The following AGAP1 variants were observed in gnomAD, a reference collection of about 807,000 sequenced individuals.
The protein encoded by AGAP1 is ArfGAP with GTPase domain, ankyrin repeat and PH domain 1.
Under a neutral mutation model 105.3 loss-of-function variants are expected in AGAP1, and 29 were observed. The ratio of observed to expected loss-of-function variants is 0.28; its 90% confidence interval spans 0.21 to 0.38. The LOEUF (loss-of-function observed/expected upper bound fraction) is 0.38. AGAP1 is among the 10% of genes least tolerant of loss of function. The pLI is 1.00. For missense variants in AGAP1, 998 were observed against 1,165.1 expected (o/e 0.86, Z 2.09); for synonymous variants, 509 against 485.9 (o/e 1.05, Z -0.63).
At chr2:235,679,950 C>T (rs1231301999) in intron 1 of AGAP1, among the ~76,000 whole-genome samples, 1 of 152,228 alleles carries the variant, frequency 6.6e-6, no homozygotes, top group Non-Finnish European at 1.5e-5. Flanking sequence ...AATGGTGTTA[C>T]GTGGATCTGT....
chr2:235,695,780 C>G (rs1373968348), intron 1 of AGAP1, among the ~76,000 whole-genome samples: 1 of 152,210 alleles, frequency 6.6e-6, no homozygotes, highest in African/African-American at 2.4e-5. Context: ...TTCACAGGAG[C>G]ATCTGAGCTC....
At chr2:235,510,539 T>TA (rs1316451100) in intron 1 of AGAP1, among the ~76,000 whole-genome samples, 1 of 152,194 alleles carries the variant, frequency 6.6e-6, no homozygotes, top group Non-Finnish European at 1.5e-5. Context: ...GGCACGTGCT[T>TA]TCATTTCTCT....
intron 9 of AGAP1, among the ~76,000 whole-genome samples, chr2:235,841,352 C>T (rs553788935): frequency 2.0e-5 from 3 of 152,172 alleles, no homozygotes; most frequent in Non-Finnish European, 4.4e-5. Context: ...GCTTACGGGC[C>T]TGATGCGGTG....
Position 235,701,194 on chromosome 2 carries a change from T to G in AGAP1, c.164-7985T>G, listed in dbSNP as rs780159408. Among the ~76,000 whole-genome samples, 6 of 151,442 alleles carry G rather than the reference T, an allele frequency of 4.0e-5. No individual in the cohort carries two copies. Among genetic ancestry groups the G allele is most frequent in the African/African-American group, 1.5e-4 (6 of 41,224 alleles). ...ATTTATATATATGGGGGGGTGGAAA[T>G]CACTATCCTCTAAGAAGTTACAAAC... On this transcript the variant is annotated intron_variant, in intron 1 of 17. Transcript: ENST00000304032. This position sits in a 1 kb window ranked among gnomAD's most constrained non-coding sequence, Gnocchi z 4.1.
chr2:235,999,590 T>C (rs986334389), intron 13 of AGAP1, among the ~76,000 whole-genome samples: 26 of 84,120 alleles, frequency 3.1e-4, no homozygotes, highest in South Asian at 4.9e-4. Flanking sequence ...ATGGTGGTGA[T>C]GATGGTGAGA....
rs1394786802 is a variant in AGAP1 at position 235,836,070 on chromosome 2, A to G, written c.1050+28739A>G. ...CCTTCTTACTAATTAACTGCTAATT[A>G]CAAATGAGCTTTGTGTGTTTGTCAG... On this transcript the variant is annotated intron_variant, in intron 9 of 17. Transcript: ENST00000304032. Among the ~76,000 whole-genome samples, 15 of 152,362 alleles carry G rather than the reference A, an allele frequency of 9.8e-5. No homozygotes were observed. In the East Asian group the frequency reaches 2.9e-3, roughly 29 times the overall value.
chr2:235,524,526 C>A, intron 1 of AGAP1: 1 of 339,562 alleles, frequency 2.9e-6, no homozygotes, highest in Non-Finnish European at 6.2e-6. Context: ...CGGGGCTGCA[C>A]CCAGCCCCCA....
At chr2:236,106,573 TG>T (rs2059499386) in intron 16 of AGAP1, among the ~76,000 whole-genome samples, 1 of 152,226 alleles carries the variant, frequency 6.6e-6, no homozygotes, top group Non-Finnish European at 1.5e-5. Context: ...GGGGCCATGC[TG>T]GGATTCCAGG....
At position 235,612,566 on chromosome 2, in the gene AGAP1, C is replaced by T. The variant is rs368714267; in HGVS notation, c.164-96613C>T. Among the ~76,000 whole-genome samples, 7 of 152,186 alleles carry T rather than the reference C, an allele frequency of 4.6e-5. No individual in the cohort carries two copies. Among genetic ancestry groups the T allele is most frequent in the Admixed American group, 1.3e-4 (2 of 15,278 alleles). On this transcript the variant is annotated intron_variant, in intron 1 of 17. Coordinates refer to ENST00000304032, the MANE Select transcript of AGAP1 (RefSeq NM_001037131.3). This position sits in a 1 kb window ranked among gnomAD's most constrained non-coding sequence, Gnocchi z 4.3. ...GTATTCAGGTGCTAAGGGAAAAGAA[C>T]GTGACTGTGTGGGGGTCTCCCTGAC...
At chr2:235,506,576 G>A (rs1355171415) in intron 1 of AGAP1, among the ~76,000 whole-genome samples, 1 of 151,952 alleles carries the variant, frequency 6.6e-6, no homozygotes, top group Non-Finnish European at 1.5e-5. Flanking sequence ...GGGGTTTTCT[G>A]GACATAAAAT....
Position 235,964,941 on chromosome 2 carries a change from G to C in AGAP1, c.1484-3521G>C, listed in dbSNP as rs1340404435. Reference sequence around the variant, plus strand: ...CTTTGTGAAAACAGGCTGAGCTCGAGGTCCCAGGCTGCTCAAGGCAAGGGA... The same window carrying C: ...CTTTGTGAAAACAGGCTGAGCTCGACGTCCCAGGCTGCTCAAGGCAAGGGA... On this transcript the variant is annotated intron_variant, in intron 12 of 17. Transcript: ENST00000304032. The surrounding 1 kb of genome is among the most constrained non-coding windows in gnomAD (Gnocchi z 4.6). 1.3e-5 allele frequency among the ~76,000 whole-genome samples: 2 copies of C among 152,190 alleles called. No homozygotes were observed. Among genetic ancestry groups the C allele is most frequent in the Non-Finnish European group, 2.9e-5 (2 of 68,044 alleles).
At chr2:235,856,616 C>T (rs982431448) in intron 9 of AGAP1, among the ~76,000 whole-genome samples, 3 of 152,254 alleles carry the variant, frequency 2.0e-5, no homozygotes, top group African/African-American at 4.8e-5. Flanking sequence ...AGTACTGAAC[C>T]AGTTCCTGTG....
chr2:235,674,935 C>A (rs1559335290), intron 1 of AGAP1, among the ~76,000 whole-genome samples: 1 of 151,774 alleles, frequency 6.6e-6, no homozygotes, highest in African/African-American at 2.4e-5. Flanking sequence ...GATCCACCCC[C>A]CTCGGTCTGG....
chr2:235,610,647 A>G lies in AGAP1; in HGVS notation c.164-98532A>G, dbSNP rs1946094539. 6.6e-6 allele frequency among the ~76,000 whole-genome samples: 1 copy of G among 152,144 alleles called. No individual in the cohort carries two copies. The highest frequency in any genetic ancestry group is 2.1e-4 in the South Asian group (1 of 4,832). ...TTGAGCTTTAAATACAAATTTCAGG[A>G]GAGCTCAATACAGCCCATAGCACAG... On this transcript the variant is annotated intron_variant, in intron 1 of 17. Coordinates refer to ENST00000304032, the MANE Select transcript of AGAP1 (RefSeq NM_001037131.3). This position sits in a 1 kb window ranked among gnomAD's most constrained non-coding sequence, Gnocchi z 4.9.
Position 235,725,507 on chromosome 2 carries a change from G to GA in AGAP1, c.310+7877dup, listed in dbSNP as rs79340469. Among the ~76,000 whole-genome samples the GA allele has an allele frequency of 4.2e-3, 532 of 126,336 alleles. No homozygotes were observed. Among genetic ancestry groups the GA allele is most frequent in the Admixed American group, 6.2e-3 (76 of 12,314 alleles). The allele number at this position is 126,336 out of a possible 152,430, so 82.9% of individuals were successfully genotyped here. A position where few individuals can be genotyped will look rare whatever the true frequency, so the allele number is the denominator to read the frequency against. ...TTGGGTGCTGTTTAATGTTCCAGTGGAAAAAAAAAAAAAACACCTGTAATA... is the reference window on the plus strand; with the variant it reads ...TTGGGTGCTGTTTAATGTTCCAGTGGAAAAAAAAAAAAAAACACCTGTAATA... On this transcript the variant is annotated intron_variant, in intron 3 of 17. Transcript: ENST00000304032. The surrounding 1 kb of genome is among the most constrained non-coding windows in gnomAD (Gnocchi z 5.7).
At chr2:235,603,165 G>A (rs750390535) in intron 1 of AGAP1, among the ~76,000 whole-genome samples, 1 of 152,158 alleles carries the variant, frequency 6.6e-6, no homozygotes, top group Non-Finnish European at 1.5e-5. Flanking sequence ...TAGTGAATAA[G>A]CCTCCTGAGA....
rs183760913 is a variant in AGAP1 at position 236,129,900 on chromosome 2, A to G, written c.*5778A>G. On this transcript the variant is annotated 3_prime_UTR_variant, in exon 18 of 18. Coordinates refer to ENST00000304032, the MANE Select transcript of AGAP1 (RefSeq NM_001037131.3). This position sits in a 1 kb window ranked among gnomAD's most constrained non-coding sequence, Gnocchi z 6.2. ...AGCGGTAAGCAAACCTAAATCTGAA[A>G]ACCCATTCTTACTGTCTTTCACCAT... The G allele has an allele frequency of 1.3e-5, 2 of 152,302 alleles. No homozygotes were observed. Among genetic ancestry groups the G allele is most frequent in the African/African-American group, 4.8e-5 (2 of 41,578 alleles). 9.4% of individuals were successfully genotyped at this position (152,302 alleles called of 1,614,324 possible).
chr2:235,971,997 T>C lies in AGAP1; in HGVS notation c.1645+3374T>C, dbSNP rs1183277500. ...TTTCACTCTTTTGCCCAGGCTGGTC[T>C]TGAACTCCTGGGCTCAAGCAATCCT... On this transcript the variant is annotated intron_variant, in intron 13 of 17. Coordinates refer to ENST00000304032, the MANE Select transcript of AGAP1 (RefSeq NM_001037131.3). The surrounding 1 kb of genome is among the most constrained non-coding windows in gnomAD (Gnocchi z 4.8). Among the ~76,000 whole-genome samples the C allele has an allele frequency of 1.3e-5, 2 of 152,100 alleles. No homozygotes were observed. Among genetic ancestry groups the C allele is most frequent in the Admixed American group, 1.3e-4 (2 of 15,276 alleles).
intron 8 of AGAP1, among the ~76,000 whole-genome samples, chr2:235,804,245 T>C (rs1270370718): frequency 6.6e-6 from 1 of 152,194 alleles, no homozygotes; most frequent in African/African-American, 2.4e-5. Context: ...AATTATACAT[T>C]ACATGGCCTT....
Sources: allele counts gnomAD v4.1 joint callset (sites outside exome capture counted in the v4.1 genomes callset), GRCh38; gene constraint gnomAD v4.1.1; non-coding constraint Gnocchi (gnomAD v3.1); transcripts MANE v1.5; gene names NCBI Gene and HGNC (gene_info 2026-07-23, HGNC 2026-07-21).